The following WAPL variants were observed in gnomAD, a reference collection of about 807,000 sequenced individuals.
The protein encoded by WAPL is WAPL cohesin release factor.
WAPL carries 5 observed loss-of-function variants against 121.0 expected under a neutral mutation model. The ratio of observed to expected loss-of-function variants is 0.04; its 90% CI spans 0.02 to 0.09. The LOEUF is 0.09. Among genes scored for constraint, WAPL ranks in the 10% least tolerant of loss-of-function variants. The probability of loss-of-function intolerance (pLI) is 1.00; values close to 1 mark genes in which losing one functional copy is unlikely to be tolerated. For synonymous variants in WAPL, 480 were observed against 481.5 expected (o/e 1.00, Z 0.04); for missense variants, 999 against 1,410.8 (o/e 0.71, Z 4.68).
At chr10:86,481,134 A>G (rs1304584858) in intron 4 of WAPL, among the ~76,000 whole-genome samples, 1 of 152,214 alleles carries the variant, frequency 6.6e-6, no homozygotes, top group Admixed American at 6.5e-5. Context: ...GGATGTGGGT[A>G]AACTATGCAC....
chr10:86,487,611 C>T (rs1564579191), intron 4 of WAPL, among the ~76,000 whole-genome samples: 1 of 152,136 alleles, frequency 6.6e-6, no homozygotes, highest in Non-Finnish European at 1.5e-5. Flanking sequence ...GCTTTCTGGG[C>T]CAGGTGTGGT....
intron 4 of WAPL, among the ~76,000 whole-genome samples, chr10:86,483,535 T>A (rs1589521456): frequency 6.6e-6 from 1 of 152,080 alleles, no homozygotes; most frequent in South Asian, 2.1e-4. Context: ...TTTTAACCAT[T>A]TTAGAATATA....
At chr10:86,473,735 G>C (rs1250315933) in intron 5 of WAPL, 143 bp downstream of exon 5, 1 of 604,458 alleles carries the variant, frequency 1.7e-6, no homozygotes, top group Middle Eastern at 4.5e-4. Flanking sequence ...GAATTAAACT[G>C]AAACTAATAA....
At chr10:86,456,511 C>T (rs1447933275) in intron 12 of WAPL, among the ~76,000 whole-genome samples, 5 of 151,980 alleles carry the variant, frequency 3.3e-5, no homozygotes, top group Non-Finnish European at 4.4e-5. Flanking sequence ...ACCAAGTCCA[C>T]GATTTTTAAG....
chr10:86,443,127 C>T, intron 17 of WAPL, 148 bp downstream of exon 17: 1 of 505,616 alleles, frequency 2.0e-6, no homozygotes, highest in Non-Finnish European at 3.4e-6. Flanking sequence ...TTAAACAACC[C>T]TATAATCAGC....
rs776922402 is a variant in WAPL at position 86,518,023 on chromosome 10, C to A, written c.47G>T (p.Gly16Val). 71 of 1,614,040 alleles carry A rather than the reference C, an allele frequency of 4.4e-5. No homozygotes were observed. In the South Asian group the frequency reaches 7.1e-4, roughly 16 times the overall value. ...AAAGACTTCATCGAATTTTGAACTG[C>A]CATTTCCACCTTTCCTACTGTATGT... The part of the protein sequence containing the change: ...GKTYSRKGGN[G>V]SSKFDEVFSN... The change falls in exon 2 of 19, where the codon GGC (glycine) becomes GTC (valine). Residue 16 changes from glycine (G) to valine (V), a missense_variant. By Grantham distance (109) the Gly-to-Val change is moderately radical. Coordinates refer to ENST00000298767, the MANE Select transcript of WAPL (RefSeq NM_015045.5).
rs532204446 is a variant in WAPL, at chr10:86,509,678, G to A, written c.499+7893C>T. Among the ~76,000 whole-genome samples the A allele has an allele frequency of 7.9e-5, 12 of 152,144 alleles. No homozygotes were observed. The South Asian group carries it at 2.5e-3, about 32-fold the overall frequency. On this transcript the variant is annotated intron_variant, in intron 2 of 18. Coordinates refer to ENST00000298767, the MANE Select transcript of WAPL (RefSeq NM_015045.5). ...AACTCATCCTCCTCTACCATCAGGG[G>A]TCTAGGAAAGTTGAGTACTACTTCC...
chr10:86,470,919 G>A lies in WAPL; in HGVS notation c.2142+73C>T. On this transcript the variant is annotated intron_variant, in intron 8 of 18. Coordinates refer to ENST00000298767, the MANE Select transcript of WAPL (RefSeq NM_015045.5). ...ATATATTTATAGAATATTCAGTGAAGATATTTTTGATAGCCAAATAGACTA... is the reference window on the plus strand; with the variant it reads ...ATATATTTATAGAATATTCAGTGAAAATATTTTTGATAGCCAAATAGACTA... 6 of 1,180,114 alleles carry A rather than the reference G, an allele frequency of 5.1e-6. No homozygotes were observed. The South Asian group carries it at 7.2e-5, about 14-fold the overall frequency. The allele number at this position is 1,180,114 out of a possible 1,614,324, so 73.1% of individuals were successfully genotyped here.
Position 86,499,930 on chromosome 10 carries a change from C to A in WAPL, c.1313G>T (p.Gly438Val), listed in dbSNP as rs1162035792. Residue 438 changes from glycine to valine, a missense_variant, in exon 3 of 19, where the codon GGT becomes GTT. Gly to Val is a moderately radical substitution (Grantham distance 109, BLOSUM62 -3). Transcript: ENST00000298767. ...FFGFEDHETG[G>V]DEGGSGSSNY... Reference sequence around the variant, plus strand: ...AGAACTTCCAGAACCTCCTTCATCACCTCCTGTCTCATGATCTTCAAAACC... The same window carrying A: ...AGAACTTCCAGAACCTCCTTCATCAACTCCTGTCTCATGATCTTCAAAACC... 2.5e-6 allele frequency: 4 copies of A among 1,613,998 alleles called. No individual in the cohort carries two copies. In the Admixed American group the frequency reaches 5.0e-5, roughly 20 times the overall value.
At position 86,500,452 on chromosome 10, in the gene WAPL, T is replaced by C. The variant is rs914789323; in HGVS notation, c.791A>G (p.Lys264Arg). The C allele has an allele frequency of 1.9e-6, 3 of 1,614,094 alleles. No homozygotes were observed. The highest frequency in any genetic ancestry group is 2.5e-6 in the Non-Finnish European group (3 of 1,180,052). ...SLDSDPLLEMKDDDFKNRLEN... is the reference protein window; with the variant it reads ...SLDSDPLLEMRDDDFKNRLEN... ...CAATCGATTTTTAAAATCGTCATCC[T>C]TCATCTCCAAAAGGGGATCACTATC... is the stretch of plus-strand genomic sequence containing the variant. The change falls in exon 3 of 19, where the codon AAG (lysine) becomes AGG (arginine). Residue 264 changes from lysine (K) to arginine (R), a missense_variant. Physicochemically the swap from Lys to Arg is conservative, Grantham distance 26 (BLOSUM62 2). Transcript: ENST00000298767.
chr10:86,446,382 G>A lies in WAPL; in HGVS notation c.3182C>T (p.Ala1061Val). The A allele has an allele frequency of 6.2e-7, 1 of 1,614,134 alleles. No homozygotes were observed. The highest frequency in any genetic ancestry group is 8.5e-7 in the Non-Finnish European group (1 of 1,180,024). ...ACTCTTATCATGCTGAGTGGTGGGA[G>A]CATCTTTGATCAACTCATCTGTTTT... is the stretch of plus-strand genomic sequence containing the variant. ...ESKTDELIKD[A>V]PTTQHDKSGE... is the part of the protein sequence containing the mutation. The change falls in exon 16 of 19, where the codon GCT (alanine) becomes GTT (valine). Residue 1061 changes from alanine to valine, a missense_variant. Coordinates refer to ENST00000298767, the MANE Select transcript of WAPL (RefSeq NM_015045.5).
intron 17 of WAPL, among the ~76,000 whole-genome samples, chr10:86,442,190 C>T (rs564692891): frequency 3.3e-5 from 5 of 152,262 alleles, no homozygotes; most frequent in African/African-American, 4.8e-5. Context: ...CACCGCCACG[C>T]CCAGCAAATT....
intron 4 of WAPL, among the ~76,000 whole-genome samples, chr10:86,478,362 G>A (rs1458178303): frequency 6.6e-6 from 1 of 152,128 alleles, no homozygotes; most frequent in Admixed American, 6.6e-5. Flanking sequence ...AGTCCAGGAA[G>A]TGGAGGCTGC....
intron 11 of WAPL, among the ~76,000 whole-genome samples, chr10:86,459,465 C>T (rs998170469): frequency 2.6e-5 from 4 of 152,166 alleles, no homozygotes; most frequent in East Asian, 1.9e-4. Context: ...ACACATGGAA[C>T]GCTACAATTT....
At chr10:86,461,494 CTA>C (rs1216546515) in intron 9 of WAPL, among the ~76,000 whole-genome samples, 1 of 148,528 alleles carries the variant, frequency 6.7e-6, no homozygotes, top group African/African-American at 2.4e-5. Flanking sequence ...TGCTATTAGT[CTA>C]TCATTTGTCA....
intron 9 of WAPL, among the ~76,000 whole-genome samples, chr10:86,465,262 C>T (rs867593762): frequency 6.6e-6 from 1 of 152,068 alleles, no homozygotes; most frequent in Admixed American, 6.5e-5. Context: ...GCGCCAATCT[C>T]GGCTCACTGA....
intron 12 of WAPL, among the ~76,000 whole-genome samples, chr10:86,454,475 C>T (rs1171655045): frequency 2.0e-5 from 3 of 152,212 alleles, no homozygotes; most frequent in Non-Finnish European, 4.4e-5. Flanking sequence ...TGCAACCTCC[C>T]TGCCTGATTC....
intron 4 of WAPL, among the ~76,000 whole-genome samples, chr10:86,493,105 G>C (rs1170263806): frequency 6.6e-6 from 1 of 150,638 alleles, no homozygotes; most frequent in Non-Finnish European, 1.5e-5. Context: ...TTTTTTCAAA[G>C]GGGGGTACTG....
intron 2 of WAPL, among the ~76,000 whole-genome samples, chr10:86,515,383 C>T (rs751629024): frequency 2.0e-5 from 3 of 151,898 alleles, no homozygotes; most frequent in Non-Finnish European, 4.4e-5. Flanking sequence ...TGATAATAAA[C>T]GAATCTCATT....
Sources: allele counts gnomAD v4.1 joint callset (sites outside exome capture counted in the v4.1 genomes callset), GRCh38; gene constraint gnomAD v4.1.1; transcripts MANE v1.5; gene names NCBI Gene and HGNC (gene_info 2026-07-23, HGNC 2026-07-21).